The following DNAH12 variants were observed in gnomAD, a reference collection of about 807,000 sequenced individuals.
The protein encoded by DNAH12 is dynein axonemal heavy chain 12.
A neutral mutation model predicts 371.5 loss-of-function variants in DNAH12; 285 were observed. That is an observed-to-expected ratio of 0.77 (90% CI 0.70 to 0.85). DNAH12 has a LOEUF of 0.85. Ranked by LOEUF, DNAH12 falls within the 40% of genes least tolerant of loss-of-function variation. The probability of loss-of-function intolerance (pLI) is 0.00; values close to 1 mark genes in which losing one functional copy is unlikely to be tolerated. For missense variants in DNAH12, 3,611 were observed against 3,689.4 expected, an observed-to-expected ratio of 0.98 and a Z score of 0.55; for synonymous variants, 1,200 against 1,213.0, an observed-to-expected ratio of 0.99 and a Z score of 0.22.
intron 65 of DNAH12, among the ~76,000 whole-genome samples, chr3:57,315,163 G>A (rs953878519): frequency 6.6e-6 from 1 of 151,982 alleles, no homozygotes; most frequent in Non-Finnish European, 1.5e-5. Flanking sequence ...AGAAATCTGT[G>A]TCAGTGTTCC....
intron 62 of DNAH12, among the ~76,000 whole-genome samples, chr3:57,325,115 C>G (rs868800967): frequency 6.6e-6 from 1 of 152,248 alleles, no homozygotes; most frequent in Non-Finnish European, 1.5e-5. Context: ...GGCCTGCCTG[C>G]CTCTGTAGGC....
chr3:57,499,829 C>A (rs1164723831), intron 11 of DNAH12, among the ~76,000 whole-genome samples: 21 of 146,452 alleles, frequency 1.4e-4, no homozygotes, highest in Non-Finnish European at 2.7e-4. Context: ...GAGAGTGAGA[C>A]CCTGTCTCAA....
At chr3:57,324,818 C>A (rs955767288) in intron 62 of DNAH12, among the ~76,000 whole-genome samples, 1 of 152,206 alleles carries the variant, frequency 6.6e-6, no homozygotes, top group African/African-American at 2.4e-5. Flanking sequence ...CTTTCCTAGT[C>A]AAAGAAAGGG....
At chr3:57,344,194 A>G in intron 60 of DNAH12, among the ~76,000 whole-genome samples, 1 of 152,284 alleles carries the variant, frequency 6.6e-6, no homozygotes, top group Non-Finnish European at 1.5e-5. Context: ...ACAGGTGTGG[A>G]GGGGCAGGCC....
At chr3:57,325,630 G>A (rs1247566254) in intron 62 of DNAH12, among the ~76,000 whole-genome samples, 1 of 152,182 alleles carries the variant, frequency 6.6e-6, no homozygotes, top group Non-Finnish European at 1.5e-5. Flanking sequence ...AAAAAACAGA[G>A]CAGAAAAACT....
chr3:57,303,005 T>C (rs1444213517), intron 69 of DNAH12, among the ~76,000 whole-genome samples: 1 of 151,918 alleles, frequency 6.6e-6, no homozygotes, highest in East Asian at 1.9e-4. Flanking sequence ...TTTTAACCAG[T>C]AATAACAGAT....
intron 66 of DNAH12, among the ~76,000 whole-genome samples, chr3:57,313,327 C>G (rs2061618028): frequency 6.6e-6 from 1 of 151,978 alleles, no homozygotes; most frequent in Admixed American, 6.6e-5. Flanking sequence ...AAGACCCTGT[C>G]TCTACAAAAT....
At chr3:57,393,271 T>C (rs969811152) in intron 44 of DNAH12, among the ~76,000 whole-genome samples, 2,445 of 152,258 alleles carry the variant, frequency 0.016, 36 homozygotes, top group Non-Finnish European at 0.021. Context: ...GTGAGTGATA[T>C]ATTTTGTGGG....
At chr3:57,472,748 A>G (rs1447473441) in intron 13 of DNAH12, 77 bp from the exon 14 acceptor site, 6 of 1,389,438 alleles carry the variant, frequency 4.3e-6, no homozygotes, top group Non-Finnish European at 5.9e-6. Context: ...ACCAACAACA[A>G]TCTCTAATAC....
At chr3:57,417,124 C>T (rs1192591764) in intron 37 of DNAH12, among the ~76,000 whole-genome samples, 2 of 152,068 alleles carry the variant, frequency 1.3e-5, no homozygotes, top group African/African-American at 2.4e-5. Flanking sequence ...GTGGCAAATG[C>T]CTGTAATCCC....
chr3:57,316,576 C>T (rs2061690146), intron 65 of DNAH12, among the ~76,000 whole-genome samples: 1 of 152,104 alleles, frequency 6.6e-6, no homozygotes, highest in African/African-American at 2.4e-5. Context: ...CGACTGATAT[C>T]GTTTGGCTCT....
chr3:57,341,705 T>C (rs1001901752), intron 60 of DNAH12, among the ~76,000 whole-genome samples: 1 of 151,880 alleles, frequency 6.6e-6, no homozygotes, highest in Admixed American at 6.6e-5. Flanking sequence ...ATCAAAAGAT[T>C]CAATGCACTC....
At chr3:57,495,747 TTTTATATA>T (rs1160765993) in intron 11 of DNAH12, among the ~76,000 whole-genome samples, 1 of 144,488 alleles carries the variant, frequency 6.9e-6, no homozygotes, top group East Asian at 1.9e-4. Context: ...ATATGAATAT[TTTTATATA>T]TTTATATATT....
intron 42 of DNAH12, among the ~76,000 whole-genome samples, chr3:57,404,636 C>T (rs989037890): frequency 6.6e-6 from 1 of 152,120 alleles, no homozygotes; most frequent in Admixed American, 6.5e-5. Flanking sequence ...AGGAGAATGG[C>T]TTGAACCCGG....
rs145676863 is a variant in DNAH12, at chr3:57,535,822, G to A, written c.170+6879C>T. Reference sequence around the variant, plus strand: ...CTCCCAAAGTGCTGGGATTACAGGCGTGAGCCACCACACCCCAATTTTTTT... The same window carrying A: ...CTCCCAAAGTGCTGGGATTACAGGCATGAGCCACCACACCCCAATTTTTTT... On this transcript the variant is annotated intron_variant, in intron 2 of 73. Coordinates refer to ENST00000495027, the MANE Select transcript of DNAH12 (RefSeq NM_001366028.2). Among the ~76,000 whole-genome samples the A allele has an allele frequency of 5.5e-3, 797 of 144,914 alleles. 9 individuals are homozygous for A. The highest frequency in any genetic ancestry group is 0.019 in the African/African-American group (744 of 38,724).
chr3:57,477,310 C>T (rs1015927823), intron 13 of DNAH12, among the ~76,000 whole-genome samples: 2 of 152,092 alleles, frequency 1.3e-5, no homozygotes, highest in African/African-American at 4.8e-5. Flanking sequence ...CCTACACCCA[C>T]GGAGCCTCAC....
At chr3:57,549,467 A>G in the DNAH12 span, among the ~76,000 whole-genome samples, 89 of 145,938 alleles carry the variant, frequency 6.1e-4, no homozygotes, top group Non-Finnish European at 1.3e-3. Context: ...CAGTGAGCCA[A>G]GATCATGCCA....
At chr3:57,365,621 T>A (rs1272051615) in intron 57 of DNAH12, among the ~76,000 whole-genome samples, 4 of 152,052 alleles carry the variant, frequency 2.6e-5, no homozygotes, top group Admixed American at 6.6e-5. Context: ...AAAATAAAAA[T>A]AGTACATATA....
In DNAH12 at chr3:57,322,407, T is replaced by G; in HGVS notation, c.10460A>C (p.Gln3487Pro). 6.4e-7 allele frequency: 1 copy of G among 1,552,158 alleles called. No homozygotes were observed. The change falls in exon 65 of 74, where the codon CAA becomes CCA. Residue 3487 changes from glutamine (Q) to proline (P), a missense_variant. Transcript: ENST00000495027. The stretch of plus-strand genomic sequence containing the variant: ...AGAAACTGGATCAGTGAGATATGAT[T>G]GAAGGAGATTCAGCCGAAGACCCGT... ...PPTGLRLNLLQSYLTDPVSDP... is the reference protein window; with the variant it reads ...PPTGLRLNLLPSYLTDPVSDP...
Sources: allele counts gnomAD v4.1 joint callset (sites outside exome capture counted in the v4.1 genomes callset), GRCh38; gene constraint gnomAD v4.1.1; transcripts MANE v1.5; gene names NCBI Gene and HGNC (gene_info 2026-07-23, HGNC 2026-07-21).